The following DISC1 variants were observed in gnomAD, a reference collection of about 807,000 sequenced individuals.
DISC1 encodes disrupted in schizophrenia 1 protein.
A neutral mutation model predicts 84.5 loss-of-function variants in DISC1; 57 were observed. That is an observed-to-expected ratio of 0.67 (90% CI 0.55 to 0.84). The LOEUF (loss-of-function observed/expected upper bound fraction) is 0.84. Ranked by LOEUF, DISC1 falls within the 40% of genes least tolerant of loss-of-function variation. DISC1 has a pLI of 0.00. For synonymous variants in DISC1, 411 were observed against 415.2 expected, an observed-to-expected ratio of 0.99 and a Z score of 0.12; for missense variants, 1,000 against 1,057.8, an observed-to-expected ratio of 0.95 and a Z score of 0.76.
intron 4 of DISC1, among the ~76,000 whole-genome samples, chr1:231,760,510 T>A (rs1194341485): frequency 6.6e-6 from 1 of 152,184 alleles, no homozygotes; most frequent in African/African-American, 2.4e-5. Flanking sequence ...AAGGTGGCAC[T>A]CCCTCAGGAC....
At chr1:231,726,595 C>T (rs1165188637) in intron 3 of DISC1, among the ~76,000 whole-genome samples, 3 of 152,134 alleles carry the variant, frequency 2.0e-5, no homozygotes, top group East Asian at 3.9e-4. Flanking sequence ...GCAGGGAAGA[C>T]GGGCTGTATT....
rs3083698 is a variant in DISC1 at position 231,814,937 on chromosome 1, AAATAATAATAATAATAATAAT to A, written c.1793-3369_1793-3349del. On this transcript the variant is annotated intron_variant, in intron 8 of 12. Coordinates refer to ENST00000439617, the MANE Select transcript of DISC1 (RefSeq NM_018662.3). ...CCTGTTTCAGAGATGTTAAAATGTA[AAATAATAATAATAATAATAAT>A]AATAATAATAATAATAATAATATAA... The A allele has an allele frequency of 3.3e-3, 466 of 141,442 alleles. 8 individuals carry two copies. The highest frequency in any genetic ancestry group is 0.011 in the African/African-American group (434 of 38,478). The allele number at this position is 141,442 out of a possible 1,614,324, so 8.8% of individuals were successfully genotyped here.
intron 11 of DISC1, among the ~76,000 whole-genome samples, chr1:232,014,669 CT>C (rs1445041058): frequency 6.6e-6 from 1 of 152,208 alleles, no homozygotes; most frequent in Non-Finnish European, 1.5e-5. Flanking sequence ...CCAAGTATTT[CT>C]GTTTGTAGAG....
chr1:231,721,438 C>T (rs939070310), intron 3 of DISC1, among the ~76,000 whole-genome samples: 1 of 152,116 alleles, frequency 6.6e-6, no homozygotes, highest in Non-Finnish European at 1.5e-5. Flanking sequence ...GTAAATCTGG[C>T]TGAGATTAAT....
rs138505949 is a variant in DISC1, at chr1:231,890,314, G to A, written c.1982-68514G>A. Among the ~76,000 whole-genome samples, 732 of 152,236 alleles carry A rather than the reference G, an allele frequency of 4.8e-3. 5 individuals are homozygous for A. Among genetic ancestry groups the A allele is most frequent in the African/African-American group, 0.017 (693 of 41,552 alleles). ...GGATGGAAATTTCTTTGTCAGTAAA[G>A]ATCCTATGAAATCATATACTGAGCA... On this transcript the variant is annotated intron_variant, in intron 9 of 12. Coordinates refer to ENST00000439617, the MANE Select transcript of DISC1 (RefSeq NM_018662.3).
At chr1:232,034,906 A>G (rs1189299941) in intron 12 of DISC1, among the ~76,000 whole-genome samples, 1 of 151,996 alleles carries the variant, frequency 6.6e-6, no homozygotes, top group Non-Finnish European at 1.5e-5. Context: ...TTAAAAAAAA[A>G]AAAGAAAGAA....
chr1:231,703,116 G>T (rs1231469563), intron 3 of DISC1, among the ~76,000 whole-genome samples: 1 of 152,224 alleles, frequency 6.6e-6, no homozygotes, highest in Non-Finnish European at 1.5e-5. Flanking sequence ...AGAAAATCCT[G>T]TTCTAGGAAA....
chr1:231,680,552 A>T (rs199566718), intron 1 of DISC1, among the ~76,000 whole-genome samples: 17 of 152,194 alleles, frequency 1.1e-4, no homozygotes, highest in Non-Finnish European at 2.1e-4. Context: ...GTGGAAAAAA[A>T]ATACTGAATA....
chr1:231,955,753 G>A (rs1659388207), intron 9 of DISC1, among the ~76,000 whole-genome samples: 1 of 152,044 alleles, frequency 6.6e-6, no homozygotes. Flanking sequence ...GCCTCCCAAA[G>A]TGCTGGGATT....
At chr1:231,945,269 A>G (rs1449374350) in intron 9 of DISC1, 1 of 152,226 alleles carries the variant, frequency 6.6e-6, no homozygotes, top group Admixed American at 6.5e-5. Context: ...AGTCTCTCAG[A>G]CCACAGTGCA....
chr1:231,695,690 A>G (rs1471463781), intron 2 of DISC1, among the ~76,000 whole-genome samples: 6 of 151,404 alleles, frequency 4.0e-5, no homozygotes, highest in African/African-American at 7.3e-5. Context: ...GTGCGAGTGT[A>G]TTTGTGTGTG....
At chr1:232,029,822 T>C (rs570105453) in intron 12 of DISC1, among the ~76,000 whole-genome samples, 1 of 152,290 alleles carries the variant, frequency 6.6e-6, no homozygotes, top group African/African-American at 2.4e-5. Flanking sequence ...CAACAGAGGT[T>C]AGGGGTGGGC....
intron 3 of DISC1, among the ~76,000 whole-genome samples, chr1:231,739,056 T>C (rs2072904502): frequency 6.6e-6 from 1 of 152,352 alleles, no homozygotes; most frequent in Non-Finnish European, 1.5e-5. Flanking sequence ...TCAGGATCTG[T>C]GTGCTTGGTG....
chr1:231,866,677 C>A, intron 9 of DISC1: 1 of 1,423,804 alleles, frequency 7.0e-7, no homozygotes, highest in Non-Finnish European at 9.3e-7. Flanking sequence ...ATTGAAGAGA[C>A]ATGATGTCAC....
intron 4 of DISC1, among the ~76,000 whole-genome samples, chr1:231,751,266 G>A (rs372751747): frequency 4.3e-4 from 66 of 152,098 alleles, no homozygotes; most frequent in African/African-American, 1.3e-3. Flanking sequence ...ATTTCTTGTC[G>A]TCTACTCCAG....
chr1:231,731,907 GT>G (rs940285099), intron 3 of DISC1, among the ~76,000 whole-genome samples: 4 of 152,214 alleles, frequency 2.6e-5, no homozygotes, highest in Non-Finnish European at 4.4e-5. Flanking sequence ...AAGTCACCAG[GT>G]AGATCTAGTT....
intron 1 of DISC1, among the ~76,000 whole-genome samples, chr1:231,689,754 A>T (rs1156244446): frequency 6.6e-6 from 1 of 152,248 alleles, no homozygotes; most frequent in Non-Finnish European, 1.5e-5. Flanking sequence ...GGATTGTTTT[A>T]GGAATTATAA....
chr1:231,787,120 C>T (rs2077934587), intron 6 of DISC1, among the ~76,000 whole-genome samples: 1 of 152,160 alleles, frequency 6.6e-6, no homozygotes, highest in African/African-American at 2.4e-5. Flanking sequence ...TTGAGATAGG[C>T]CTCCCTAAGG....
At chr1:232,005,014 C>CTTCCTTCCTTCCT in intron 10 of DISC1, among the ~76,000 whole-genome samples, 1 of 64,798 alleles carries the variant, frequency 1.5e-5, no homozygotes, top group Non-Finnish European at 2.8e-5. Flanking sequence ...CCTTCCTTCC[C>CTTCCTTCCTTCCT]TCTCTCCCTC....
Sources: allele counts gnomAD v4.1 joint callset (sites outside exome capture counted in the v4.1 genomes callset), GRCh38; gene constraint gnomAD v4.1.1; transcripts MANE v1.5; gene names NCBI Gene and HGNC (gene_info 2026-07-23, HGNC 2026-07-21).